HMGA2: variants seen among roughly 807,000 people sequenced by gnomAD.
HMGA2 encodes the protein high mobility group protein HMGI-C.
Under a neutral mutation model 19.1 loss-of-function variants are expected in HMGA2, and 8 were observed. The ratio of observed to expected loss-of-function variants is 0.42; its 90% CI spans 0.25 to 0.76. The LOEUF is 0.76. HMGA2 is among the 30% of genes least tolerant of loss of function. The probability of loss-of-function intolerance (pLI) is 0.28; values close to 1 mark genes in which losing one functional copy is unlikely to be tolerated. For synonymous variants in HMGA2, 60 were observed against 48.8 expected (o/e 1.23, Z -0.96); for missense variants, 109 against 136.3 (o/e 0.80, Z 1.00).
chr12:65,852,678 T>C (rs1871534984), intron 3 of HMGA2, among the ~76,000 whole-genome samples: 1 of 152,152 alleles, frequency 6.6e-6, no homozygotes, highest in Non-Finnish European at 1.5e-5. Flanking sequence ...CTCTTATGGT[T>C]GAAAGGCTAA....
Position 65,934,499 on chromosome 12 carries a change from G to A in HMGA2, c.250-16884G>A, listed in dbSNP as rs138840762. On this transcript the variant is annotated intron_variant, in intron 3 of 4. Coordinates refer to ENST00000403681, the MANE Select transcript of HMGA2 (RefSeq NM_003483.6). ...CTGTGATTTTACTATCTAATATGTT[G>A]TGGCTATAACCAGAGAATGCAAAAT... 1.2e-3 allele frequency among the ~76,000 whole-genome samples: 187 copies of A among 152,194 alleles called. 1 individual carries two copies. Among genetic ancestry groups the A allele is most frequent in the African/African-American group, 4.4e-3 (182 of 41,518 alleles).
rs181467569 is a variant in HMGA2, at chr12:65,891,218, T to A, written c.249+52649T>A. Among the ~76,000 whole-genome samples the A allele has an allele frequency of 5.4e-4, 82 of 152,306 alleles. 1 individual carries two copies. The highest frequency in any genetic ancestry group is 2.0e-3 in the African/African-American group (82 of 41,568). On this transcript the variant is annotated intron_variant, in intron 3 of 4. Coordinates refer to ENST00000403681, the MANE Select transcript of HMGA2 (RefSeq NM_003483.6). ...GGAAGACTGGGATAAATAAGCATTA[T>A]AACTCCAGGGAGCTTTCTGATTTCA...
In HMGA2 at chr12:65,825,904, G is replaced by C. The variant is rs1406998874; in HGVS notation, c.111+523G>C. On this transcript the variant is annotated intron_variant, in intron 1 of 4. Coordinates refer to ENST00000403681, the MANE Select transcript of HMGA2 (RefSeq NM_003483.6). This position sits in a 1 kb window ranked among gnomAD's most constrained non-coding sequence, Gnocchi z 4.4. ...GCTGGCGCGCCGCAGCCGCCCCCTT[G>C]GCGCCCTCCTCCAAGCTCTCGGTGG... 6.6e-6 allele frequency: 1 copy of C among 152,224 alleles called. No individual in the cohort carries two copies. The highest frequency in any genetic ancestry group is 1.5e-5 in the Non-Finnish European group (1 of 68,164). The allele number at this position is 152,224 out of a possible 1,614,324, so 9.4% of individuals were successfully genotyped here. A position where few individuals can be genotyped will look rare whatever the true frequency, so the allele number is the denominator to read the frequency against.
chr12:65,868,059 A>G (rs1872519227), intron 3 of HMGA2, among the ~76,000 whole-genome samples: 1 of 152,176 alleles, frequency 6.6e-6, no homozygotes, highest in South Asian at 2.1e-4. Flanking sequence ...TCTTTCTCCA[A>G]CATTGCTTAC....
chr12:65,881,962 C>A, intron 3 of HMGA2: 1 of 699,406 alleles, frequency 1.4e-6, no homozygotes. Context: ...TCCTCCGTAG[C>A]CTTTGCAGCT....
At chr12:65,854,253 C>T (rs1592388533) in intron 3 of HMGA2, among the ~76,000 whole-genome samples, 1 of 152,262 alleles carries the variant, frequency 6.6e-6, no homozygotes, top group Non-Finnish European at 1.5e-5. Flanking sequence ...ATTTTGATAG[C>T]CTTACACATT....
intron 3 of HMGA2, among the ~76,000 whole-genome samples, chr12:65,888,678 C>T (rs1160190800): frequency 1.4e-5 from 2 of 146,502 alleles, no homozygotes; most frequent in Non-Finnish European, 3.0e-5. Flanking sequence ...ATTCTCCTGC[C>T]TCAGCCTCCT....
chr12:65,887,685 T>G (rs1873716733), intron 3 of HMGA2, among the ~76,000 whole-genome samples: 2 of 152,124 alleles, frequency 1.3e-5, no homozygotes, highest in African/African-American at 4.8e-5. Context: ...ATCACGCCTT[T>G]GCACTCCATC....
intron 3 of HMGA2, chr12:65,915,027 C>T: frequency 2.5e-6 from 4 of 1,612,368 alleles, no homozygotes; most frequent in Non-Finnish European, 3.4e-6. Flanking sequence ...GGTATTCATG[C>T]CATATGCCCC....
At chr12:65,939,354 A>AG (rs1464956846) in intron 3 of HMGA2, among the ~76,000 whole-genome samples, 1 of 151,842 alleles carries the variant, frequency 6.6e-6, no homozygotes, top group African/African-American at 2.4e-5. Context: ...CACACATACA[A>AG]GCTTTTTTTT....
At chr12:65,881,963 C>A in intron 3 of HMGA2, 1 of 699,478 alleles carries the variant, frequency 1.4e-6, no homozygotes, top group Non-Finnish European at 2.6e-6. Context: ...CCTCCGTAGC[C>A]TTTGCAGCTG....
At chr12:65,936,408 A>G (rs573609691) in intron 3 of HMGA2, among the ~76,000 whole-genome samples, 17 of 152,298 alleles carry the variant, frequency 1.1e-4, no homozygotes, top group African/African-American at 4.1e-4. Flanking sequence ...TAGGTGAACA[A>G]AGCACATAAA....
At chr12:65,908,944 G>A (rs754095458) in intron 3 of HMGA2, among the ~76,000 whole-genome samples, 20 of 152,090 alleles carry the variant, frequency 1.3e-4, no homozygotes, top group Non-Finnish European at 2.2e-4. Flanking sequence ...TCTTAAAAAG[G>A]CTTACTTCTG....
At chr12:65,953,677 G>T (rs540616518) in intron 4 of HMGA2, 1 of 152,248 alleles carries the variant, frequency 6.6e-6, no homozygotes, top group South Asian at 2.1e-4. Context: ...TACAGACCCT[G>T]TTCCAGATTT....
intron 4 of HMGA2, 63 bp downstream of exon 4, chr12:65,951,478 A>G (rs1256900652): frequency 9.7e-7 from 1 of 1,025,968 alleles, no homozygotes; most frequent in South Asian, 1.4e-5. Flanking sequence ...TGTACTGAAA[A>G]ATGTCCCCAA....
At chr12:65,834,514 C>T (rs1232100518) in intron 2 of HMGA2, among the ~76,000 whole-genome samples, 2 of 142,348 alleles carry the variant, frequency 1.4e-5, no homozygotes, top group Non-Finnish European at 3.1e-5. Flanking sequence ...CTCTTGCCCT[C>T]CCTCCCTCCC....
intron 3 of HMGA2, among the ~76,000 whole-genome samples, chr12:65,880,585 C>A (rs892082941): frequency 6.6e-6 from 1 of 152,134 alleles, no homozygotes; most frequent in Non-Finnish European, 1.5e-5. Flanking sequence ...GGTCACACAG[C>A]AGGTAGCATG....
chr12:65,911,263 T>C (rs1174185405), intron 3 of HMGA2, among the ~76,000 whole-genome samples: 1 of 152,144 alleles, frequency 6.6e-6, no homozygotes, highest in Non-Finnish European at 1.5e-5. Flanking sequence ...GCAGCTGGTC[T>C]TTGTTGTTAG....
rs986654581 is a variant in HMGA2, at chr12:65,825,284, G to C, written c.14G>C (p.Gly5Ala). 2.0e-6 allele frequency: 3 copies of C among 1,531,798 alleles called. No individual in the cohort carries two copies. In the African/African-American group the frequency reaches 4.2e-5, roughly 21 times the overall value. The allele number at this position is 1,531,798 out of a possible 1,614,324, so 94.9% of individuals were successfully genotyped here. Reference sequence around the variant, plus strand: ...GCGGGAGGCAGGATGAGCGCACGCGGTGAGGGCGCGGGGCAGCCGTCCACT... The same window carrying C: ...GCGGGAGGCAGGATGAGCGCACGCGCTGAGGGCGCGGGGCAGCCGTCCACT... MSARGEGAGQPSTSA... is the reference protein window; with the variant it reads MSARAEGAGQPSTSA... Residue 5 changes from glycine (G) to alanine (A), a missense_variant, in exon 1 of 5, where the codon GGT becomes GCT. Physicochemically the swap from Gly to Ala is moderately conservative, Grantham distance 60. Coordinates refer to ENST00000403681, the MANE Select transcript of HMGA2 (RefSeq NM_003483.6). The surrounding 1 kb of genome is among the most constrained non-coding windows in gnomAD (Gnocchi z 4.4).
Sources: allele counts gnomAD v4.1 joint callset (sites outside exome capture counted in the v4.1 genomes callset), GRCh38; gene constraint gnomAD v4.1.1; non-coding constraint Gnocchi (gnomAD v3.1); transcripts MANE v1.5; gene names NCBI Gene and HGNC (gene_info 2026-07-23, HGNC 2026-07-21).